Variants in VEZT observed in about 807,000 individuals in gnomAD.
VEZT encodes the protein vezatin, adherens junctions transmembrane protein.
VEZT carries 39 observed loss-of-function variants against 79.9 expected under a neutral mutation model. The ratio of observed to expected loss-of-function variants is 0.49; its 90% CI spans 0.38 to 0.64. The LOEUF is 0.64. Ranked by LOEUF, VEZT falls within the 30% of genes least tolerant of loss-of-function variation. The pLI is 0.00. For missense variants in VEZT, 837 were observed against 893.1 expected (o/e 0.94, Z 0.80); for synonymous variants, 325 against 327.6 (o/e 0.99, Z 0.09).
intron 11 of VEZT, among the ~76,000 whole-genome samples, chr12:95,297,248 T>C (rs1468758457): frequency 6.6e-6 from 1 of 152,228 alleles, no homozygotes; most frequent in Non-Finnish European, 1.5e-5. Context: ...CTTAGTTGAA[T>C]TAATGCCTAT....
chr12:95,296,971 A>T (rs1156583462), intron 11 of VEZT: 2 of 152,512 alleles, frequency 1.3e-5, no homozygotes, highest in African/African-American at 4.8e-5. Flanking sequence ...AGAAAAGAAA[A>T]GAAAAAAAAG....
At chr12:95,285,881 C>T (rs1479336445) in intron 8 of VEZT, among the ~76,000 whole-genome samples, 2 of 151,768 alleles carry the variant, frequency 1.3e-5, no homozygotes, top group Non-Finnish European at 2.9e-5. Context: ...ATTCTTCCAA[C>T]ACTGCTTTCA....
chr12:95,225,107 G>T (rs2089828523), intron 1 of VEZT, among the ~76,000 whole-genome samples: 1 of 152,230 alleles, frequency 6.6e-6, no homozygotes, highest in African/African-American at 2.4e-5. Context: ...AGGCCTGGGG[G>T]TTGAGGACCC....
intron 6 of VEZT, among the ~76,000 whole-genome samples, chr12:95,273,215 T>C (rs200058336): frequency 2.6e-5 from 4 of 152,182 alleles, no homozygotes; most frequent in East Asian, 1.9e-4. Context: ...AGTGCTCTAA[T>C]GTGGATCTCC....
chr12:95,252,182 T>C, intron 2 of VEZT, 111 bp downstream of exon 2: 2 of 1,186,814 alleles, frequency 1.7e-6, no homozygotes, highest in South Asian at 4.6e-5. Flanking sequence ...GTAAGACTAT[T>C]TATTTCATCA....
At chr12:95,296,295 G>C in intron 11 of VEZT, 37 bp downstream of exon 11, 2 of 1,520,502 alleles carry the variant, frequency 1.3e-6, no homozygotes, top group Non-Finnish European at 1.8e-6. Flanking sequence ...TTATTTCAAT[G>C]TAGGGGATTC....
chr12:95,233,557 G>A (rs1206971406), intron 1 of VEZT, among the ~76,000 whole-genome samples: 1 of 151,886 alleles, frequency 6.6e-6, no homozygotes, highest in Non-Finnish European at 1.5e-5. Flanking sequence ...GTGCCACCAC[G>A]CCTGGCTAAT....
intron 9 of VEZT, 129 bp downstream of exon 9, chr12:95,287,986 T>A (rs995192085): frequency 8.0e-6 from 6 of 754,436 alleles, no homozygotes; most frequent in African/African-American, 7.1e-5. Context: ...TTACTTTTTT[T>A]TAATGTTGAA....
At chr12:95,262,212 T>A (rs535612178) in intron 3 of VEZT, 20 of 152,384 alleles carry the variant, frequency 1.3e-4, no homozygotes, top group African/African-American at 4.8e-4. Flanking sequence ...TTGCATGTTA[T>A]ATTGCAACTG....
chr12:95,245,043 G>A (rs1174309484), intron 1 of VEZT, among the ~76,000 whole-genome samples: 1 of 152,000 alleles, frequency 6.6e-6, no homozygotes, highest in Non-Finnish European at 1.5e-5. Context: ...GACCAGCCTG[G>A]CCAACATGGT....
At chr12:95,295,950 C>CTT in intron 10 of VEZT, 101 bp from the exon 11 acceptor site, 1 of 893,716 alleles carries the variant, frequency 1.1e-6, no homozygotes, top group Non-Finnish European at 1.6e-6. Context: ...AATGCAAGTC[C>CTT]TTTTTTTTTA....
chr12:95,269,759 T>A, intron 5 of VEZT: 1 of 244,610 alleles, frequency 4.1e-6, no homozygotes, highest in Non-Finnish European at 7.7e-6. Context: ...TTCTGTTATA[T>A]CTCAGCCAGA....
At chr12:95,238,342 C>T (rs958048296) in intron 1 of VEZT, among the ~76,000 whole-genome samples, 1 of 152,140 alleles carries the variant, frequency 6.6e-6, no homozygotes, top group African/African-American at 2.4e-5. Context: ...ACGTGCTTAA[C>T]TCAATGCCTA....
chr12:95,238,646 G>A (rs1461017864), intron 1 of VEZT, among the ~76,000 whole-genome samples: 2 of 152,106 alleles, frequency 1.3e-5, no homozygotes, highest in African/African-American at 4.8e-5. Context: ...TATCTCATAG[G>A]CACTTCTAAT....
chr12:95,275,016 C>G lies in VEZT; in HGVS notation c.996+127C>G, dbSNP rs1417161459. 3 of 1,120,124 alleles carry G rather than the reference C, an allele frequency of 2.7e-6. No individual in the cohort carries two copies. The East Asian group carries it at 7.8e-5, about 29-fold the overall frequency. 69.4% of individuals were successfully genotyped at this position (1,120,124 alleles called of 1,614,324 possible). A position where few individuals can be genotyped will look rare whatever the true frequency, so the allele number is the denominator to read the frequency against. On this transcript the variant is annotated intron_variant, in intron 7 of 11. Coordinates refer to ENST00000436874, the MANE Select transcript of VEZT (RefSeq NM_017599.4). ...TTGCTGCATACCATCATCATAAATG[C>G]ACGGGTGATGTTTGTAACTCTGTCT...
intron 7 of VEZT, among the ~76,000 whole-genome samples, chr12:95,281,093 C>G (rs190892805): frequency 4.1e-4 from 62 of 152,290 alleles, no homozygotes; most frequent in Non-Finnish European, 7.8e-4. Context: ...GTTTCATCCT[C>G]TTTTTATTCC....
intron 3 of VEZT, among the ~76,000 whole-genome samples, chr12:95,262,066 CTTTGTCTGGTCAATT>C (rs1180105681): frequency 6.6e-6 from 1 of 152,226 alleles, no homozygotes; most frequent in African/African-American, 2.4e-5. Context: ...TCTCCAACTC[CTTTGTCTGGTCAATT>C]TTTGTTCATC....
intron 1 of VEZT, among the ~76,000 whole-genome samples, chr12:95,233,642 TC>T (rs1171746983): frequency 2.6e-5 from 4 of 152,040 alleles, no homozygotes; most frequent in African/African-American, 4.8e-5. Flanking sequence ...CCTCAAGTGA[TC>T]CCCCCACCTC....
Position 95,292,600 on chromosome 12 carries a change from G to A in VEZT, c.1523-1672G>A, listed in dbSNP as rs182476202. 2.4e-3 allele frequency among the ~76,000 whole-genome samples: 353 copies of A among 149,890 alleles called. 2 individuals are homozygous for A. Among genetic ancestry groups the A allele is most frequent in the Admixed American group, 8.5e-3 (128 of 15,036 alleles). On this transcript the variant is annotated intron_variant, in intron 9 of 11. Coordinates refer to ENST00000436874, the MANE Select transcript of VEZT (RefSeq NM_017599.4). ...GTCGCACTCTGTCGCCCAGGCTGGA[G>A]TGCAGTGGCGCGATCTCGCCTCACT...
Sources: gnomAD v4.1 joint callset for allele counts (sites outside exome capture counted in the v4.1 genomes callset) on GRCh38, gnomAD v4.1.1 for gene constraint, MANE v1.5 for transcripts, NCBI Gene and HGNC (gene_info 2026-07-23, HGNC 2026-07-21) for gene names.